The following C12orf42 variants were observed in gnomAD, a reference collection of about 807,000 sequenced individuals.
C12orf42 encodes the protein chromosome 12 open reading frame 42, also known as uncharacterized protein C12orf42.
Under a neutral mutation model 21.6 loss-of-function variants are expected in C12orf42, and 25 were observed. That is an observed-to-expected ratio of 1.16 (90% CI 0.84 to 1.62). The LOEUF (loss-of-function observed/expected upper bound fraction) is 1.62, where lower values mean the gene tolerates loss of function less well. Ranked by LOEUF, C12orf42 falls within the 40% of genes most tolerant of loss-of-function variation. The probability of loss-of-function intolerance (pLI) is 0.00; values close to 1 mark genes in which losing one functional copy is unlikely to be tolerated. For missense variants in C12orf42, 483 were observed against 459.3 expected, an observed-to-expected ratio of 1.05 and a Z score of -0.47; for synonymous variants, 174 against 175.0, an observed-to-expected ratio of 0.99 and a Z score of 0.05.
At chr12:103,270,014 C>T (rs1162004981) in intron 5 of C12orf42, 1 of 152,086 alleles carries the variant, frequency 6.6e-6, no homozygotes, top group Non-Finnish European at 1.5e-5. Context: ...GAATGAGTCT[C>T]AGAGTTTATA....
chr12:103,262,141 T>C (rs912891743), intron 10 of C12orf42: 1 of 152,184 alleles, frequency 6.6e-6, no homozygotes, highest in Non-Finnish European at 1.5e-5. Context: ...TTAAGAGAAA[T>C]AAATCTGTAT....
At chr12:103,310,890 T>C (rs2038909768) in intron 4 of C12orf42, among the ~76,000 whole-genome samples, 1 of 152,254 alleles carries the variant, frequency 6.6e-6, no homozygotes, top group Non-Finnish European at 1.5e-5. Context: ...TCTCTTGATC[T>C]TAAAGGAAAA....
chr12:103,134,054 T>C, the C12orf42 span, among the ~76,000 whole-genome samples: 4 of 152,206 alleles, frequency 2.6e-5, no homozygotes, highest in African/African-American at 7.2e-5. Context: ...GAGAATGAAC[T>C]AATGCACTGA....
At chr12:103,173,200 G>C in the C12orf42 span, among the ~76,000 whole-genome samples, 2 of 152,120 alleles carry the variant, frequency 1.3e-5, no homozygotes, top group Non-Finnish European at 2.9e-5. Context: ...TATATAGCCT[G>C]TATATAAAAC....
At chr12:103,305,513 A>C (rs1361350441) in intron 5 of C12orf42, among the ~76,000 whole-genome samples, 2 of 152,176 alleles carry the variant, frequency 1.3e-5, no homozygotes, top group Non-Finnish European at 2.9e-5. Context: ...GCACAGTCAA[A>C]ACTTATCCCT....
chr12:103,337,617 G>A (rs7966251), intron 4 of C12orf42, among the ~76,000 whole-genome samples: 48,460 of 151,970 alleles, frequency 0.32, 8,266 homozygotes, highest in East Asian at 0.47. Flanking sequence ...CTCCCAAAGT[G>A]CTGGGATTAC....
intron 4 of C12orf42, among the ~76,000 whole-genome samples, chr12:103,293,908 G>A (rs2036979898): frequency 6.6e-6 from 1 of 152,090 alleles, no homozygotes; most frequent in Non-Finnish European, 1.5e-5. Flanking sequence ...ATCATCAAAG[G>A]ACCTAAATAT....
chr12:103,098,892 T>C, the C12orf42 span, among the ~76,000 whole-genome samples: 10 of 152,212 alleles, frequency 6.6e-5, no homozygotes, highest in Non-Finnish European at 1.0e-4. Context: ...GTGGATTTGA[T>C]TGAGCAAAGA....
chr12:103,355,599 T>G (rs2043474804), intron 4 of C12orf42, among the ~76,000 whole-genome samples: 1 of 152,084 alleles, frequency 6.6e-6, no homozygotes. Context: ...GCCAAGGAGA[T>G]GAACCCAGAG....
chr12:103,451,095 G>A (rs1565850182), intron 2 of C12orf42, among the ~76,000 whole-genome samples: 1 of 152,058 alleles, frequency 6.6e-6, no homozygotes, highest in Non-Finnish European at 1.5e-5. Context: ...CCGCAATGCT[G>A]AGGTCTCAAC....
intron 4 of C12orf42, among the ~76,000 whole-genome samples, chr12:103,337,430 A>T (rs1045277423): frequency 6.6e-6 from 1 of 152,164 alleles, no homozygotes; most frequent in African/African-American, 2.4e-5. Context: ...GGCTCACTGC[A>T]ATCTCTGCCT....
chr12:103,387,389 G>A (rs207473331), intron 3 of C12orf42, among the ~76,000 whole-genome samples: 6 of 152,224 alleles, frequency 3.9e-5, no homozygotes, highest in South Asian at 2.1e-4. Flanking sequence ...ACACACCCTC[G>A]TGCACACATG....
At chr12:103,194,466 A>G in the C12orf42 span, among the ~76,000 whole-genome samples, 4 of 152,214 alleles carry the variant, frequency 2.6e-5, no homozygotes, top group Non-Finnish European at 5.9e-5. Flanking sequence ...TAAATACAGC[A>G]TATTTTTAGG....
At chr12:103,460,919 C>T (rs1952657018) in intron 2 of C12orf42, among the ~76,000 whole-genome samples, 1 of 152,036 alleles carries the variant, frequency 6.6e-6, no homozygotes, top group Admixed American at 6.6e-5. Flanking sequence ...GGGTCAGAGG[C>T]AAGTTAGGAA....
intron 2 of C12orf42, among the ~76,000 whole-genome samples, chr12:103,417,469 A>G (rs2049458897): frequency 6.6e-6 from 1 of 152,158 alleles, no homozygotes; most frequent in Non-Finnish European, 1.5e-5. Context: ...ACCATCTTTC[A>G]GCCTTAGCCT....
intron 2 of C12orf42, among the ~76,000 whole-genome samples, chr12:103,425,837 G>A (rs1202343212): frequency 1.3e-5 from 2 of 152,116 alleles, no homozygotes; most frequent in Non-Finnish European, 2.9e-5. Context: ...TCTGGCTACA[G>A]TGGCTTTGCC....
chr12:103,158,316 C>T, the C12orf42 span, among the ~76,000 whole-genome samples: 42 of 152,118 alleles, frequency 2.8e-4, no homozygotes, highest in Non-Finnish European at 5.3e-4. Context: ...TCACATTGCC[C>T]ATGGGTCTGT....
chr12:103,071,488 C>T, the C12orf42 span, among the ~76,000 whole-genome samples: 11 of 152,086 alleles, frequency 7.2e-5, no homozygotes, highest in East Asian at 7.7e-4. Flanking sequence ...TGATATGATT[C>T]GGCTGTGTTC....
intron 4 of C12orf42, among the ~76,000 whole-genome samples, chr12:103,293,074 A>G (rs2036926821): frequency 6.6e-6 from 1 of 151,816 alleles, no homozygotes; most frequent in Non-Finnish European, 1.5e-5. Context: ...AGCCACACAT[A>G]CTATGCCAAA....
Sources: allele counts gnomAD v4.1 joint callset (sites outside exome capture counted in the v4.1 genomes callset), GRCh38; gene constraint gnomAD v4.1.1; transcripts MANE v1.5; gene names NCBI Gene and HGNC (gene_info 2026-07-23, HGNC 2026-07-21).